The following TTLL5 variants were observed in gnomAD, a reference collection of about 807,000 sequenced individuals.
TTLL5 encodes tubulin polyglutamylase TTLL5.
A neutral mutation model predicts 168.4 loss-of-function variants in TTLL5; 132 were observed. The ratio of observed to expected loss-of-function variants is 0.78; its 90% CI spans 0.68 to 0.91. The LOEUF (loss-of-function observed/expected upper bound fraction) is 0.91. Ranked by LOEUF, TTLL5 falls within the 40% of genes least tolerant of loss-of-function variation. The probability of loss-of-function intolerance (pLI) is 0.00; values close to 1 mark genes in which losing one functional copy is unlikely to be tolerated. For synonymous variants in TTLL5, 546 were observed against 558.6 expected, an observed-to-expected ratio of 0.98 and a Z score of 0.32; for missense variants, 1,545 against 1,581.5, an observed-to-expected ratio of 0.98 and a Z score of 0.39.
intron 9 of TTLL5, among the ~76,000 whole-genome samples, chr14:75,708,211 C>G (rs1483779993): frequency 6.6e-6 from 1 of 151,696 alleles, no homozygotes; most frequent in African/African-American, 2.4e-5. Flanking sequence ...GGGATTTGAC[C>G]TCATGGATCT....
intron 24 of TTLL5, among the ~76,000 whole-genome samples, chr14:75,782,064 T>G (rs1000710486): frequency 3.3e-5 from 5 of 151,490 alleles, no homozygotes; most frequent in Admixed American, 1.3e-4. Context: ...TGTCTCGGGG[T>G]AGCTTCGCTG....
chr14:75,843,482 A>T (rs189600560), intron 28 of TTLL5, among the ~76,000 whole-genome samples: 37 of 152,360 alleles, frequency 2.4e-4, no homozygotes, highest in Non-Finnish European at 4.9e-4. Flanking sequence ...AACTTTGTTG[A>T]GACACCTTTA....
chr14:75,880,149 G>C (rs935633983), intron 29 of TTLL5, among the ~76,000 whole-genome samples: 2 of 152,052 alleles, frequency 1.3e-5, no homozygotes, highest in Admixed American at 6.6e-5. Context: ...GAGAGAGAGA[G>C]AGAGAGTGTG....
chr14:75,941,423 G>C (rs2034600411), intron 31 of TTLL5: 1 of 152,178 alleles, frequency 6.6e-6, no homozygotes, highest in Non-Finnish European at 1.5e-5. Flanking sequence ...TATCAAACCA[G>C]AATGTTGCCA....
intron 17 of TTLL5, among the ~76,000 whole-genome samples, chr14:75,750,497 TTTC>T (rs1889883422): frequency 6.6e-6 from 1 of 151,100 alleles, no homozygotes; most frequent in South Asian, 2.1e-4. Context: ...TCCTTATGAT[TTTC>T]TTAATACATT....
rs183532509 is a variant in TTLL5, at chr14:75,907,712, G to A, written c.3823+5488G>A. On this transcript the variant is annotated intron_variant, in intron 31 of 31. Transcript: ENST00000298832. ...TGGTCATATACCAAAATTTACTGGA[G>A]AAACTGAAAACAACCAGAGTTCTTT... Among the ~76,000 whole-genome samples the A allele has an allele frequency of 5.3e-4, 81 of 152,320 alleles. 1 individual carries two copies. The highest frequency in any genetic ancestry group is 1.9e-3 in the South Asian group (9 of 4,832).
At chr14:75,819,909 A>G in intron 27 of TTLL5, 98 bp from the exon 28 acceptor site, 3 of 1,338,644 alleles carry the variant, frequency 2.2e-6, no homozygotes, top group Non-Finnish European at 3.0e-6. Context: ...CAGAGGGGTC[A>G]GCATCTGTTG....
At chr14:75,950,859 T>C (rs941156852) in intron 31 of TTLL5, among the ~76,000 whole-genome samples, 16 of 152,012 alleles carry the variant, frequency 1.1e-4, no homozygotes, top group Admixed American at 9.8e-4. Context: ...TCCCAGCTAC[T>C]CAGGAGACTG....
In TTLL5 at chr14:75,707,080, C is replaced by T; in HGVS notation, c.648C>T (p.Leu216=). 1 of 1,612,356 alleles carries T rather than the reference C, an allele frequency of 6.2e-7. No homozygotes were observed. Among genetic ancestry groups the T allele is most frequent in the Non-Finnish European group, 8.5e-7 (1 of 1,178,890 alleles). Residue 216 remains leucine (L), a synonymous_variant, in exon 8 of 32, where the codon CTC becomes CTT. Transcript: ENST00000298832. ...CCCGTTACATTAACAACCCCCTGCT[C>T]ATAGATGGTGAGTTGTGATTAGGCC... The part of the protein sequence containing the change: ...LVSRYINNPL[L]IDDFKFDVRL...
intron 18 of TTLL5, among the ~76,000 whole-genome samples, chr14:75,761,624 A>G (rs1890655313): frequency 6.6e-6 from 1 of 152,242 alleles, no homozygotes; most frequent in African/African-American, 2.4e-5. Context: ...AAATTCTGGA[A>G]CAGGCAAAAG....
chr14:75,833,837 G>A (rs1023475500), intron 28 of TTLL5, among the ~76,000 whole-genome samples: 2 of 152,082 alleles, frequency 1.3e-5, no homozygotes, highest in African/African-American at 4.8e-5. Context: ...TGGAATCCAG[G>A]GCTTCTAGTT....
intron 5 of TTLL5, among the ~76,000 whole-genome samples, chr14:75,687,819 A>G (rs1028501992): frequency 6.6e-6 from 1 of 152,234 alleles, no homozygotes; most frequent in African/African-American, 2.4e-5. Flanking sequence ...GGCAAATAAA[A>G]GAGGCTCGTG....
chr14:75,723,663 A>G (rs1414525228), intron 12 of TTLL5, among the ~76,000 whole-genome samples: 9 of 152,102 alleles, frequency 5.9e-5, no homozygotes, highest in African/African-American at 9.7e-5. Flanking sequence ...TGGGAGCTTC[A>G]TTATTGAACT....
At chr14:75,847,942 G>A (rs957898382) in intron 28 of TTLL5, among the ~76,000 whole-genome samples, 3 of 147,968 alleles carry the variant, frequency 2.0e-5, no homozygotes, top group Non-Finnish European at 4.4e-5. Context: ...TTAATTATAA[G>A]TATACATTTT....
intron 6 of TTLL5, among the ~76,000 whole-genome samples, chr14:75,691,212 C>T (rs1460060541): frequency 2.0e-5 from 3 of 152,152 alleles, no homozygotes; most frequent in South Asian, 2.1e-4. Context: ...AACACATGGC[C>T]TGGATCCAGA....
intron 31 of TTLL5, among the ~76,000 whole-genome samples, chr14:75,933,612 T>C (rs1215818171): frequency 1.3e-5 from 2 of 152,174 alleles, no homozygotes; most frequent in Admixed American, 6.5e-5. Context: ...ACTGGTGGGA[T>C]CTGCCTCCAA....
chr14:75,938,548 A>C (rs899272836), intron 31 of TTLL5, among the ~76,000 whole-genome samples: 1 of 152,242 alleles, frequency 6.6e-6, no homozygotes, highest in African/African-American at 2.4e-5. Flanking sequence ...AATAACCTGT[A>C]GTGCCCTTTA....
At chr14:75,934,133 C>A (rs1408958652) in intron 31 of TTLL5, among the ~76,000 whole-genome samples, 1 of 152,250 alleles carries the variant, frequency 6.6e-6, no homozygotes, top group Non-Finnish European at 1.5e-5. Flanking sequence ...AAAGCTCCCA[C>A]AGCAGGAGCC....
chr14:75,782,798 G>A (rs1293673345), intron 25 of TTLL5, among the ~76,000 whole-genome samples: 1 of 151,982 alleles, frequency 6.6e-6, no homozygotes. Context: ...TGCATTCTTT[G>A]TTCCTAGAAG....
Sources: gnomAD v4.1 joint callset for allele counts (sites outside exome capture counted in the v4.1 genomes callset) on GRCh38, gnomAD v4.1.1 for gene constraint, MANE v1.5 for transcripts, NCBI Gene and HGNC (gene_info 2026-07-23, HGNC 2026-07-21) for gene names.